The following PDS5B variants were observed in gnomAD, a reference collection of about 807,000 sequenced individuals.
PDS5B encodes the protein PDS5 cohesin associated factor B.
In PDS5B, 51 loss-of-function variants were observed where a neutral mutation model predicts 184.1. The observed-to-expected ratio is 0.28, with a 90% CI of 0.22 to 0.35. PDS5B has a LOEUF of 0.35. PDS5B is among the 10% of genes least tolerant of loss of function. PDS5B has a pLI of 1.00. For synonymous variants in PDS5B, 566 were observed against 569.2 expected, an observed-to-expected ratio of 0.99 and a Z score of 0.08; for missense variants, 1,180 against 1,723.3, an observed-to-expected ratio of 0.68 and a Z score of 5.58.
At chr13:32,613,939 T>A (rs753777845) in intron 1 of PDS5B, among the ~76,000 whole-genome samples, 20 of 152,346 alleles carry the variant, frequency 1.3e-4, no homozygotes, top group Non-Finnish European at 2.9e-4. Flanking sequence ...GCATGCACAT[T>A]CATTCTTTTG....
intron 19 of PDS5B, among the ~76,000 whole-genome samples, chr13:32,728,214 T>G (rs1226346848): frequency 6.6e-6 from 1 of 152,120 alleles, no homozygotes; most frequent in Non-Finnish European, 1.5e-5. Context: ...TTATTCTAAC[T>G]TCTTGAGTCT....
chr13:32,701,920 A>G (rs1951873517), intron 17 of PDS5B, among the ~76,000 whole-genome samples: 1 of 152,112 alleles, frequency 6.6e-6, no homozygotes, highest in African/African-American at 2.4e-5. Flanking sequence ...CTCTCATTTA[A>G]AGTTTCAGCT....
rs1286726770 is a variant in PDS5B at position 32,732,179 on chromosome 13, T to C, written c.2202T>C (p.His734=). ...CCAAATATGCCATTCATTGTATCCATGCGATATTTTCTAGTAAAGAGACCC... is the reference window on the plus strand; with the variant it reads ...CCAAATATGCCATTCATTGTATCCACGCGATATTTTCTAGTAAAGAGACCC... The part of the protein sequence containing the change: ...RQAKYAIHCI[H]AIFSSKETQF... Residue 734 remains histidine (H), a synonymous_variant, in exon 20 of 35, where the codon CAT becomes CAC. Transcript: ENST00000315596. 1.2e-5 allele frequency: 19 copies of C among 1,609,866 alleles called. No homozygotes were observed. Among genetic ancestry groups the C allele is most frequent in the African/African-American group, 2.7e-5 (2 of 74,786 alleles).
At chr13:32,613,622 A>C (rs2058174891) in intron 1 of PDS5B, among the ~76,000 whole-genome samples, 1 of 152,208 alleles carries the variant, frequency 6.6e-6, no homozygotes, top group Admixed American at 6.5e-5. Flanking sequence ...AGCTTTATAT[A>C]TTCTAGATAC....
chr13:32,646,235 G>C (rs191651481), intron 1 of PDS5B, among the ~76,000 whole-genome samples: 1 of 152,054 alleles, frequency 6.6e-6, no homozygotes, highest in African/African-American at 2.4e-5. Context: ...TTGAACTCCT[G>C]GGCTCAAGTG....
intron 1 of PDS5B, among the ~76,000 whole-genome samples, chr13:32,601,209 A>G (rs943648184): frequency 8.5e-5 from 13 of 152,188 alleles, no homozygotes; most frequent in Admixed American, 7.2e-4. Context: ...ATTCTTTAAA[A>G]GTATTTTTTT....
chr13:32,768,852 A>G (rs1954678132), intron 31 of PDS5B, among the ~76,000 whole-genome samples: 1 of 144,098 alleles, frequency 6.9e-6, no homozygotes, highest in Non-Finnish European at 1.5e-5. Context: ...CTGTAATCCC[A>G]GCACTTTGGG....
At position 32,600,381 on chromosome 13, in the gene PDS5B, T is replaced by C. The variant is rs549429917; in HGVS notation, c.-20+13788T>C. ...ATCTTCCCTTGATGAATGTTAAAAT[T>C]AGTGGCTGATTATATTGAATTTTTG... On this transcript the variant is annotated intron_variant, in intron 1 of 34. Transcript: ENST00000315596. 2.0e-5 allele frequency among the ~76,000 whole-genome samples: 3 copies of C among 152,320 alleles called. No individual in the cohort carries two copies. In the East Asian group the frequency reaches 5.8e-4, roughly 29 times the overall value.
intron 1 of PDS5B, among the ~76,000 whole-genome samples, chr13:32,594,733 A>G (rs1211831806): frequency 2.0e-5 from 3 of 152,170 alleles, no homozygotes; most frequent in African/African-American, 4.8e-5. Flanking sequence ...CTGCCAGATG[A>G]TTGCCTCTGG....
chr13:32,668,244 A>G (rs1298183932), intron 7 of PDS5B, among the ~76,000 whole-genome samples: 1 of 152,216 alleles, frequency 6.6e-6, no homozygotes, highest in Non-Finnish European at 1.5e-5. Flanking sequence ...GATATGAACT[A>G]ATATTAAGAC....
intron 22 of PDS5B, 78 bp from the exon 23 acceptor site, chr13:32,742,513 T>C (rs1953594576): frequency 8.1e-7 from 1 of 1,235,906 alleles, no homozygotes; most frequent in African/African-American, 1.5e-5. Flanking sequence ...TAAATACATT[T>C]TATTTTTAAA....
Position 32,699,927 on chromosome 13 carries a change from T to C in PDS5B, c.1740+58T>C. 3 of 1,454,424 alleles carry C rather than the reference T, an allele frequency of 2.1e-6. No homozygotes were observed. The South Asian group carries it at 4.5e-5, about 22-fold the overall frequency. The allele number at this position is 1,454,424 out of a possible 1,614,324, so 90.1% of individuals were successfully genotyped here. A position where few individuals can be genotyped will look rare whatever the true frequency, so the allele number is the denominator to read the frequency against. ...GCCCCCAAATCTTCTTTATTGTTTC[T>C]CTCTTTTATAAAAGTAATTTATATT... On this transcript the variant is annotated intron_variant, in intron 16 of 34. Coordinates refer to ENST00000315596, the MANE Select transcript of PDS5B (RefSeq NM_015032.4).
intron 19 of PDS5B, among the ~76,000 whole-genome samples, chr13:32,730,927 A>G (rs1403272120): frequency 2.6e-5 from 4 of 152,182 alleles, no homozygotes; most frequent in African/African-American, 9.7e-5. Context: ...TCCTACTTGA[A>G]TACTCTTTGT....
chr13:32,651,116 A>G (rs1397739795), intron 2 of PDS5B, among the ~76,000 whole-genome samples: 1 of 152,172 alleles, frequency 6.6e-6, no homozygotes, highest in African/African-American at 2.4e-5. Context: ...TCTATTTTCT[A>G]TTCACCTTTT....
rs181457149 is a variant in PDS5B at position 32,600,256 on chromosome 13, T to A, written c.-20+13663T>A. ...GTATTAATGGACTTTTGACTCTTTTTTCCCCCTTGATAGTAGGTCACATTT... is the reference window on the plus strand; with the variant it reads ...GTATTAATGGACTTTTGACTCTTTTATCCCCCTTGATAGTAGGTCACATTT... On this transcript the variant is annotated intron_variant, in intron 1 of 34. Coordinates refer to ENST00000315596, the MANE Select transcript of PDS5B (RefSeq NM_015032.4). 3.3e-3 allele frequency among the ~76,000 whole-genome samples: 497 copies of A among 152,326 alleles called. 3 individuals are homozygous for A. Among genetic ancestry groups the A allele is most frequent in the Non-Finnish European group, 3.8e-3 (261 of 68,024 alleles).
chr13:32,741,608 A>C (rs1953556402), intron 22 of PDS5B, among the ~76,000 whole-genome samples: 1 of 151,314 alleles, frequency 6.6e-6, no homozygotes, highest in Admixed American at 6.6e-5. Flanking sequence ...TGTAGACCTC[A>C]TGTCAATCCA....
intron 9 of PDS5B, among the ~76,000 whole-genome samples, chr13:32,677,156 C>G (rs1265014326): frequency 6.6e-6 from 1 of 151,904 alleles, no homozygotes. Flanking sequence ...TTTCTTGATT[C>G]TTATTTAGCT....
At chr13:32,687,953 T>G (rs750498397) in intron 12 of PDS5B, among the ~76,000 whole-genome samples, 17 of 152,186 alleles carry the variant, frequency 1.1e-4, no homozygotes, top group Non-Finnish European at 2.2e-4. Context: ...AACTTTATAG[T>G]TGTTTTTATA....
In PDS5B at chr13:32,775,126, G is replaced by A. The variant is rs577346299; in HGVS notation, c.*74G>A. ...TTTTTTTTTTTTGGTCAAGCTTGAG[G>A]CTGAATAAAGCCTTTGATGCACAAA... On this transcript the variant is annotated 3_prime_UTR_variant, in exon 35 of 35. Transcript: ENST00000315596. The A allele has an allele frequency of 1.3e-5, 14 of 1,078,562 alleles. No homozygotes were observed. The African/African-American group carries it at 1.8e-4, about 14-fold the overall frequency. The allele number at this position is 1,078,562 out of a possible 1,614,324, so 66.8% of individuals were successfully genotyped here.
Sources: allele counts gnomAD v4.1 joint callset (sites outside exome capture counted in the v4.1 genomes callset), GRCh38; gene constraint gnomAD v4.1.1; transcripts MANE v1.5; gene names NCBI Gene and HGNC (gene_info 2026-07-23, HGNC 2026-07-21).